The following KIF24 variants were observed in gnomAD, a reference collection of about 807,000 sequenced individuals.
KIF24 encodes kinesin-like protein KIF24.
Under a neutral mutation model 118.9 loss-of-function variants are expected in KIF24, and 81 were observed. That is an observed-to-expected ratio of 0.68 (90% CI 0.57 to 0.82). KIF24 has a LOEUF of 0.82. Among genes scored for constraint, KIF24 ranks in the 40% least tolerant of loss-of-function variants. The probability of loss-of-function intolerance (pLI) is 0.00; values close to 1 mark genes in which losing one functional copy is unlikely to be tolerated. For missense variants in KIF24, 1,560 were observed against 1,661.6 expected, an observed-to-expected ratio of 0.94 and a Z score of 1.06; for synonymous variants, 599 against 610.0, an observed-to-expected ratio of 0.98 and a Z score of 0.27.
chr9:34,324,269 C>T (rs1478336270), intron 1 of KIF24, among the ~76,000 whole-genome samples: 1 of 152,198 alleles, frequency 6.6e-6, no homozygotes, highest in African/African-American at 2.4e-5. Context: ...TTGTCAATAA[C>T]AGAATTCATT....
At chr9:34,307,671 G>A (rs1241842948) in intron 2 of KIF24, among the ~76,000 whole-genome samples, 6 of 151,896 alleles carry the variant, frequency 4.0e-5, no homozygotes, top group Admixed American at 2.0e-4. Context: ...CTAGCACTTC[G>A]AGAGGCTGAG....
At chr9:34,295,405 G>C (rs1246940344) in intron 4 of KIF24, among the ~76,000 whole-genome samples, 1 of 152,104 alleles carries the variant, frequency 6.6e-6, no homozygotes, top group African/African-American at 2.4e-5. Context: ...GACCAGGCAT[G>C]GTGGCTCACA....
Position 34,255,912 on chromosome 9 carries a change from C to T in KIF24, c.3695G>A (p.Trp1232Ter), listed in dbSNP as rs983660822. 2 of 1,614,002 alleles carry T rather than the reference C, an allele frequency of 1.2e-6. No individual in the cohort carries two copies. Among genetic ancestry groups the T allele is most frequent in the Non-Finnish European group, 1.7e-6 (2 of 1,179,878 alleles). The change falls in exon 11 of 13, where the codon TGG becomes TAG. Residue 1232 changes from tryptophan (W) to a stop codon, truncating the protein, a stop_gained. Transcript: ENST00000402558. LOFTEE classifies it high-confidence loss of function. ...QERKHPTRLG[W>*]QEFGLSTDPI... Reference sequence around the variant, plus strand: ...GTCTGTGGACAAACCAAACTCCTGCCAACCAAGCCTTGTAGGATGTTTTCT... The same window carrying T: ...GTCTGTGGACAAACCAAACTCCTGCTAACCAAGCCTTGTAGGATGTTTTCT...
At chr9:34,330,706 A>G (rs937829216), upstream of KIF24, among the ~76,000 whole-genome samples, 4 of 152,074 alleles carry the variant, frequency 2.6e-5, no homozygotes, top group African/African-American at 9.7e-5. Context: ...TCACGCCTGT[A>G]ATCCTAGCCC....
At chr9:34,303,641 G>A (rs1836808189) in intron 3 of KIF24, among the ~76,000 whole-genome samples, 1 of 152,108 alleles carries the variant, frequency 6.6e-6, no homozygotes, top group Non-Finnish European at 1.5e-5. Context: ...CTTGAGCTCA[G>A]GAGTTCGAGA....
At chr9:34,303,645 T>C (rs1050729932) in intron 3 of KIF24, among the ~76,000 whole-genome samples, 5 of 151,432 alleles carry the variant, frequency 3.3e-5, no homozygotes, top group Non-Finnish European at 7.4e-5. Flanking sequence ...AGCTCAGGAG[T>C]TCGAGACCAG....
chr9:34,330,345 C>G (rs1837867818), upstream of KIF24, among the ~76,000 whole-genome samples: 1 of 152,148 alleles, frequency 6.6e-6, no homozygotes, highest in African/African-American at 2.4e-5. Context: ...GCGGAGCTTG[C>G]AGTGAGCGGA....
In KIF24 at chr9:34,257,601, C is replaced by A; in HGVS notation, c.2006G>T (p.Cys669Phe). Residue 669 changes from cysteine (C) to phenylalanine (F), a missense_variant, in exon 11 of 13, where the codon TGC becomes TTC. Transcript: ENST00000402558. ...KKKPEESAPL[C>F]SEKNRMGNKT... Reference sequence around the variant, plus strand: ...GTTGCCCATTCGATTTTTCTCAGAGCACAATGGTGCTGACTCTTCTGGCTT... The same window carrying A: ...GTTGCCCATTCGATTTTTCTCAGAGAACAATGGTGCTGACTCTTCTGGCTT... 1.2e-6 allele frequency: 2 copies of A among 1,614,094 alleles called. No individual in the cohort carries two copies. Among genetic ancestry groups the A allele is most frequent in the Non-Finnish European group, 8.5e-7 (1 of 1,179,906 alleles).
At position 34,254,462 on chromosome 9, in the gene KIF24, ATACACT is replaced by A; in HGVS notation, c.4019_4024del (p.Lys1340_Cys1341del). 5 of 1,613,882 alleles carry A rather than the reference ATACACT, an allele frequency of 3.1e-6. No homozygotes were observed. Among genetic ancestry groups the A allele is most frequent in the Non-Finnish European group, 4.2e-6 (5 of 1,179,846 alleles). Reference sequence around the variant, plus strand: ...CTGCAGCTGGCTCCTCAGACTCTGGATACACTTGGATTTCAGAACCATGATTTCATC... The same window carrying A: ...CTGCAGCTGGCTCCTCAGACTCTGGATGGATTTCAGAACCATGATTTCATC... On this transcript the variant is annotated inframe_deletion, in exon 13 of 13. Coordinates refer to ENST00000402558, the MANE Select transcript of KIF24 (RefSeq NM_194313.4).
upstream of KIF24, among the ~76,000 whole-genome samples, chr9:34,331,367 C>G (rs925060352): frequency 2.6e-5 from 4 of 152,160 alleles, no homozygotes; most frequent in African/African-American, 9.7e-5. Context: ...TCCACAACAA[C>G]CATGCAAAGT....
At chr9:34,273,733 A>ACT (rs201009540) in intron 6 of KIF24, among the ~76,000 whole-genome samples, 4 of 8 alleles carry the variant, frequency 0.5, 1 homozygote, top group Non-Finnish European at 0.67. Flanking sequence ...AGAAACCCTC[A>ACT]CCCAAGCCCT....
intron 9 of KIF24, among the ~76,000 whole-genome samples, chr9:34,261,053 T>G (rs960127469): frequency 4.6e-5 from 7 of 152,162 alleles, no homozygotes; most frequent in African/African-American, 1.7e-4. Flanking sequence ...GGTTCCTGGG[T>G]CCCTGGTTAA....
chr9:34,293,816 G>A (rs1039747767), intron 4 of KIF24, among the ~76,000 whole-genome samples: 4 of 152,156 alleles, frequency 2.6e-5, no homozygotes, highest in Admixed American at 6.5e-5. Flanking sequence ...AGGCATTGGA[G>A]AAACTCAAAT....
At position 34,255,878 on chromosome 9, in the gene KIF24, C is replaced by T. The variant is rs1037039694; in HGVS notation, c.3729G>A (p.Lys1243=). The change falls in exon 11 of 13, where the codon AAG becomes AAA. Residue 1243 remains lysine, a synonymous_variant. Transcript: ENST00000402558. ...QEFGLSTDPI[K]LPCNSENVTW... ...TGACATTTTCACTGTTGCAGGGCAA[C>T]TTGATGGGGTCTGTGGACAAACCAA... is the stretch of plus-strand genomic sequence containing the variant. The T allele has an allele frequency of 2.3e-5, 37 of 1,613,888 alleles. No homozygotes were observed. Among genetic ancestry groups the T allele is most frequent in the Non-Finnish European group, 3.1e-5 (36 of 1,179,888 alleles).
Position 34,281,233 on chromosome 9 carries a change from C to T in KIF24, c.1215+5384G>A, listed in dbSNP as rs112978180. Among the ~76,000 whole-genome samples, 542 of 152,256 alleles carry T rather than the reference C, an allele frequency of 3.6e-3. 6 individuals are homozygous for T. The highest frequency in any genetic ancestry group is 0.012 in the African/African-American group (509 of 41,560). ...TAGAGGTGGGGTTTCATCATGTTGG[C>T]CAGGCTGGTTTCAAACTCCTGACCT... On this transcript the variant is annotated intron_variant, in intron 6 of 12. Coordinates refer to ENST00000402558, the MANE Select transcript of KIF24 (RefSeq NM_194313.4).
At chr9:34,326,243 T>G (rs375240535) in intron 1 of KIF24, among the ~76,000 whole-genome samples, 1 of 152,064 alleles carries the variant, frequency 6.6e-6, no homozygotes, top group African/African-American at 2.4e-5. Flanking sequence ...TCCCAGCTAC[T>G]TGGGGGGCTG....
chr9:34,293,668 C>T (rs1222506435), intron 4 of KIF24, among the ~76,000 whole-genome samples: 1 of 150,572 alleles, frequency 6.6e-6, no homozygotes, highest in African/African-American at 2.4e-5. Context: ...CCCAGCTACT[C>T]GGGAGGCTGA....
Position 34,328,052 on chromosome 9 carries a change from A to AGTG in KIF24, c.-26+1051_-26+1053dup, listed in dbSNP as rs1386111607. On this transcript the variant is annotated intron_variant, in intron 1 of 12. Transcript: ENST00000402558. ...TTTCACTCCTTTTATTAAGGCCACC[A>AGTG]GTGAGCTATGAATTTGATATAAGGA... 3.9e-5 allele frequency among the ~76,000 whole-genome samples: 6 copies of AGTG among 152,272 alleles called. No homozygotes were observed. In the East Asian group the frequency reaches 1.2e-3, roughly 29 times the overall value.
intron 7 of KIF24, 105 bp downstream of exon 7, chr9:34,271,704 T>C (rs970995201): frequency 5.7e-6 from 7 of 1,220,240 alleles, no homozygotes; most frequent in African/African-American, 1.5e-5. Flanking sequence ...ATCCCTGCAA[T>C]GAAGAACTCC....
Sources: gnomAD v4.1 joint callset for allele counts (sites outside exome capture counted in the v4.1 genomes callset) on GRCh38, gnomAD v4.1.1 for gene constraint, MANE v1.5 for transcripts, NCBI Gene and HGNC (gene_info 2026-07-23, HGNC 2026-07-21) for gene names.